MACROD2: variants seen among roughly 807,000 people sequenced by gnomAD.
MACROD2 encodes the protein ADP-ribose glycohydrolase MACROD2.
A neutral mutation model predicts 70.4 loss-of-function variants in MACROD2; 36 were observed. That is an observed-to-expected ratio of 0.51 (90% CI 0.39 to 0.68). MACROD2 has a LOEUF of 0.68. Ranked by LOEUF, MACROD2 falls within the 30% of genes least tolerant of loss-of-function variation. The pLI is 0.00. For synonymous variants in MACROD2, 172 were observed against 178.8 expected (o/e 0.96, Z 0.30); for missense variants, 496 against 538.4 (o/e 0.92, Z 0.78).
intron 3 of MACROD2, among the ~76,000 whole-genome samples, chr20:14,267,787 G>A (rs1229012149): frequency 6.6e-6 from 1 of 151,960 alleles, no homozygotes; most frequent in African/African-American, 2.4e-5. Flanking sequence ...CTAACCTTTT[G>A]GGGAGAACTG....
In MACROD2 at chr20:15,286,110, G is replaced by A. The variant is rs137959255; in HGVS notation, c.540+56049G>A. ...TAAAATGCTGAGAGAGAAAGGGGTG[G>A]GGAAACAGATGGAGGCAAGAAATTC... is the stretch of plus-strand genomic sequence containing the variant. On this transcript the variant is annotated intron_variant, in intron 6 of 17. Coordinates refer to ENST00000684519, the MANE Select transcript of MACROD2 (RefSeq NM_001351661.2). 1.9e-3 allele frequency among the ~76,000 whole-genome samples: 292 copies of A among 152,212 alleles called. 2 individuals are homozygous for A. The highest frequency in any genetic ancestry group is 6.7e-3 in the African/African-American group (280 of 41,542).
At chr20:14,709,988 A>G (rs2071318464) in intron 5 of MACROD2, among the ~76,000 whole-genome samples, 1 of 151,878 alleles carries the variant, frequency 6.6e-6, no homozygotes. Flanking sequence ...GATCAACTGT[A>G]TTTATTTTTA....
intron 12 of MACROD2, among the ~76,000 whole-genome samples, chr20:15,951,860 C>T (rs1014618311): frequency 3.5e-4 from 53 of 152,248 alleles, no homozygotes; most frequent in African/African-American, 1.2e-3. Flanking sequence ...ATCTTAAACA[C>T]GGAATGAGGC....
At chr20:14,371,021 AATTTG>A (rs2083317193) in intron 3 of MACROD2, among the ~76,000 whole-genome samples, 1 of 152,108 alleles carries the variant, frequency 6.6e-6, no homozygotes, top group Admixed American at 6.6e-5. Flanking sequence ...TAAGTTTAAA[AATTTG>A]ATTTATTTTT....
intron 4 of MACROD2, among the ~76,000 whole-genome samples, chr20:14,561,494 G>T (rs745715752): frequency 1.3e-5 from 2 of 151,766 alleles, no homozygotes; most frequent in Non-Finnish European, 2.9e-5. Flanking sequence ...CTCTATGTTA[G>T]GTTTAGGTGC....
rs556965796 is a variant in MACROD2 at position 14,729,157 on chromosome 20, A to G, written c.418+44198A>G. The stretch of plus-strand genomic sequence containing the variant: ...AAAAGTGCTTGGTAAAGCACTTTAT[A>G]AAACTATATGAATTTCATCTGTTAT... On this transcript the variant is annotated intron_variant, in intron 5 of 17. Coordinates refer to ENST00000684519, the MANE Select transcript of MACROD2 (RefSeq NM_001351661.2). 1.1e-3 allele frequency among the ~76,000 whole-genome samples: 160 copies of G among 152,272 alleles called. 1 individual carries two copies. The highest frequency in any genetic ancestry group is 3.8e-3 in the African/African-American group (156 of 41,556).
chr20:15,626,819 C>A (rs573693462), intron 8 of MACROD2, among the ~76,000 whole-genome samples: 1 of 152,070 alleles, frequency 6.6e-6, no homozygotes, highest in Admixed American at 6.5e-5. Context: ...TGTGCCACTG[C>A]ACTCCAGCCT....
intron 5 of MACROD2, among the ~76,000 whole-genome samples, chr20:14,718,477 T>G (rs1171649818): frequency 6.6e-6 from 1 of 151,950 alleles, no homozygotes; most frequent in African/African-American, 2.4e-5. Context: ...CTCCCTCCAC[T>G]GATACAGAAC....
intron 6 of MACROD2, among the ~76,000 whole-genome samples, chr20:15,392,631 T>C (rs922781117): frequency 6.6e-6 from 1 of 152,118 alleles, no homozygotes; most frequent in Non-Finnish European, 1.5e-5. Flanking sequence ...TTTTTGGAAG[T>C]TCCTAACTTC....
At chr20:15,237,606 T>C (rs1005289164) in intron 6 of MACROD2, among the ~76,000 whole-genome samples, 1 of 151,492 alleles carries the variant, frequency 6.6e-6, no homozygotes, top group East Asian at 1.9e-4. Flanking sequence ...CTATAGGAGG[T>C]GATGACAGGG....
intron 6 of MACROD2, among the ~76,000 whole-genome samples, chr20:15,312,301 G>A (rs915747273): frequency 1.3e-5 from 2 of 152,240 alleles, no homozygotes; most frequent in Admixed American, 6.5e-5. Context: ...TTGTTAAGAT[G>A]TGATGGTGCT....
chr20:14,234,687 C>T (rs1341375395), intron 3 of MACROD2, among the ~76,000 whole-genome samples: 1 of 152,048 alleles, frequency 6.6e-6, no homozygotes, highest in Non-Finnish European at 1.5e-5. Context: ...AATAGCCCAC[C>T]TCATATCTCT....
intron 3 of MACROD2, among the ~76,000 whole-genome samples, chr20:14,150,880 A>G (rs1013265831): frequency 2.0e-5 from 3 of 152,202 alleles, no homozygotes; most frequent in Admixed American, 2.0e-4. Context: ...CTGTTTCAGA[A>G]GAGCAGGCAA....
intron 5 of MACROD2, among the ~76,000 whole-genome samples, chr20:14,851,114 G>A (rs1174047628): frequency 6.6e-6 from 1 of 152,094 alleles, no homozygotes; most frequent in Non-Finnish European, 1.5e-5. Flanking sequence ...AATACACAAA[G>A]TAAGTTGTCA....
chr20:15,699,530 T>A (rs2050424833), intron 8 of MACROD2, among the ~76,000 whole-genome samples: 1 of 152,074 alleles, frequency 6.6e-6, no homozygotes, highest in Non-Finnish European at 1.5e-5. Context: ...GGTTTAATGC[T>A]CTGTTTTTGT....
intron 6 of MACROD2, among the ~76,000 whole-genome samples, chr20:15,327,699 C>A (rs953635375): frequency 1.3e-5 from 2 of 151,972 alleles, no homozygotes; most frequent in African/African-American, 4.8e-5. Context: ...GGGGACATAG[C>A]CAAACTATAT....
intron 3 of MACROD2, among the ~76,000 whole-genome samples, chr20:14,466,092 T>C (rs1465191673): frequency 1.3e-5 from 2 of 152,130 alleles, no homozygotes; most frequent in African/African-American, 4.8e-5. Context: ...CCTTGCTAGA[T>C]TGGGGAAGTT....
intron 8 of MACROD2, among the ~76,000 whole-genome samples, chr20:15,603,299 G>T (rs1051018272): frequency 6.6e-6 from 1 of 151,522 alleles, no homozygotes; most frequent in African/African-American, 2.4e-5. Context: ...AGGAGTTCGA[G>T]ACCAGCCTGG....
chr20:14,859,572 T>TAATAGTTATCTAATAG (rs2073292679), intron 5 of MACROD2, among the ~76,000 whole-genome samples: 1 of 152,192 alleles, frequency 6.6e-6, no homozygotes, highest in Admixed American at 6.5e-5. Context: ...GATATTTATC[T>TAATAGTTATCTAATAG]TTTAAGGCAA....
Sources: gnomAD v4.1 joint callset for allele counts (sites outside exome capture counted in the v4.1 genomes callset) on GRCh38, gnomAD v4.1.1 for gene constraint, MANE v1.5 for transcripts, NCBI Gene and HGNC (gene_info 2026-07-23, HGNC 2026-07-21) for gene names.